CNOT11: variants seen among roughly 807,000 people sequenced by gnomAD.
CNOT11 encodes the protein CCR4-NOT transcription complex subunit 11, also known as UPF0760 protein C2orf29.
A neutral mutation model predicts 44.6 loss-of-function variants in CNOT11; 18 were observed. The ratio of observed to expected loss-of-function variants is 0.40; its 90% CI spans 0.28 to 0.60. The LOEUF (loss-of-function observed/expected upper bound fraction) is 0.60, where lower values mean the gene tolerates loss of function less well. Among genes scored for constraint, CNOT11 ranks in the 20% least tolerant of loss-of-function variants. The pLI is 0.38. For missense variants in CNOT11, 513 were observed against 677.0 expected (o/e 0.76, Z 2.69); for synonymous variants, 291 against 270.9 (o/e 1.07, Z -0.73).
intron 2 of CNOT11, 123 bp from the exon 3 acceptor site, chr2:101,262,416 T>TTC (rs778215946): frequency 1.8e-5 from 15 of 830,598 alleles, no homozygotes; most frequent in Middle Eastern, 2.3e-4. Flanking sequence ...TACACACATT[T>TTC]TCTCTCTCTC....
intron 3 of CNOT11, among the ~76,000 whole-genome samples, chr2:101,263,919 T>C (rs1681921564): frequency 6.6e-6 from 1 of 152,246 alleles, no homozygotes; most frequent in African/African-American, 2.4e-5. Context: ...TAAGTAGTAT[T>C]TCTCATAAAT....
In CNOT11 at chr2:101,253,598, T is replaced by C. The variant is rs769289905; in HGVS notation, c.514+120T>C. ...TATCCCTGTGAAATGATCATCCTCTTTTTCCGCCTCTCTCTGCGTTCCCAC... is the reference window on the plus strand; with the variant it reads ...TATCCCTGTGAAATGATCATCCTCTCTTTCCGCCTCTCTCTGCGTTCCCAC... On this transcript the variant is annotated intron_variant, in intron 1 of 6. Transcript: ENST00000289382. This position sits in a 1 kb window ranked among gnomAD's most constrained non-coding sequence, Gnocchi z 4.3. 338 of 976,390 alleles carry C rather than the reference T, an allele frequency of 3.5e-4. 3 individuals carry two copies. The Middle Eastern group carries it at 9.8e-3, about 28-fold the overall frequency. The allele number at this position is 976,390 out of a possible 1,614,324, so 60.5% of individuals were successfully genotyped here.
chr2:101,265,103 A>T (rs926864432), intron 4 of CNOT11, 56 bp downstream of exon 4: 17 of 1,307,604 alleles, frequency 1.3e-5, no homozygotes, highest in Admixed American at 2.7e-5. Flanking sequence ...ATTTTTAATT[A>T]AAAAAATTTG....
intron 2 of CNOT11, among the ~76,000 whole-genome samples, chr2:101,259,465 T>A (rs1417648727): frequency 6.6e-6 from 1 of 152,166 alleles, no homozygotes; most frequent in Non-Finnish European, 1.5e-5. Flanking sequence ...AGAGAGAGGC[T>A]CTCTGAGTTC....
At chr2:101,262,504 G>C in intron 2 of CNOT11, 35 bp from the exon 3 acceptor site, 1 of 1,605,410 alleles carries the variant, frequency 6.2e-7, no homozygotes, top group Non-Finnish European at 8.5e-7. Context: ...CTCTCCTCAT[G>C]ATGTCCATAA....
intron 1 of CNOT11, among the ~76,000 whole-genome samples, chr2:101,254,400 G>A (rs935067): frequency 0.79 from 120,687 of 152,052 alleles, 49,069 homozygotes; most frequent in East Asian, 0.92. Flanking sequence ...GGAGGGCCGC[G>A]TTTCTAGTTA....
chr2:101,266,653 TC>T, intron 4 of CNOT11, 23 bp from the exon 5 acceptor site: 4 of 1,580,870 alleles, frequency 2.5e-6, no homozygotes, highest in Non-Finnish European at 3.5e-6. Context: ...CCTCTCTCTC[TC>T]TTTAAAAATC....
At chr2:101,261,082 A>G (rs1188620815) in intron 2 of CNOT11, among the ~76,000 whole-genome samples, 2 of 152,184 alleles carry the variant, frequency 1.3e-5, no homozygotes, top group African/African-American at 4.8e-5. Flanking sequence ...AAATTACACA[A>G]TCTGAAGTGA....
rs528252881 is a variant in CNOT11 at position 101,260,694 on chromosome 2, A to G, written c.680-1845A>G. Among the ~76,000 whole-genome samples the G allele has an allele frequency of 3.3e-5, 5 of 152,340 alleles. No individual in the cohort carries two copies. The South Asian group carries it at 6.2e-4, about 19-fold the overall frequency. ...AAAAAAACAAGTAGACAAGTTAAAC[A>G]TAAGTGACTACAAGGGGTGAAGTTT... On this transcript the variant is annotated intron_variant, in intron 2 of 6. Transcript: ENST00000289382.
At position 101,256,136 on chromosome 2, in the gene CNOT11, CA is replaced by C. The variant is rs34000200; in HGVS notation, c.515-1641del. 9.9e-3 allele frequency among the ~76,000 whole-genome samples: 1,374 copies of C among 138,482 alleles called. 10 individuals are homozygous for C. Among genetic ancestry groups the C allele is most frequent in the African/African-American group, 0.026 (962 of 37,532 alleles). The allele number at this position is 138,482 out of a possible 152,430, so 90.8% of individuals were successfully genotyped here. A position where few individuals can be genotyped will look rare whatever the true frequency, so the allele number is the denominator to read the frequency against. ...CCTGAGCAACAGAGTGAGACTGCCT[CA>C]AAAAAAAAAAAAATAGTGTAGAAGT... On this transcript the variant is annotated intron_variant, in intron 1 of 6. Transcript: ENST00000289382.
chr2:101,253,471 G>T lies in CNOT11; in HGVS notation c.507G>T (p.Pro169=), dbSNP rs1221044207. The change falls in exon 1 of 7, where the codon CCG becomes CCT. Residue 169 remains proline (P), a synonymous_variant. Transcript: ENST00000289382. The surrounding 1 kb of genome is among the most constrained non-coding windows in gnomAD (Gnocchi z 4.3). ...GCGGCCAGGAACCCGACCGCCCTCC[G>T]CTCTCAGGTACCTCCTGAAGCCAGC... ...ARGGQEPDRP[P]LSGFLPPITP... 2.7e-6 allele frequency: 4 copies of T among 1,481,620 alleles called. No individual in the cohort carries two copies. The highest frequency in any genetic ancestry group is 1.8e-4 in the Middle Eastern group (1 of 5,714). The allele number at this position is 1,481,620 out of a possible 1,614,324, so 91.8% of individuals were successfully genotyped here. A position where few individuals can be genotyped will look rare whatever the true frequency, so the allele number is the denominator to read the frequency against.
In CNOT11 at chr2:101,269,519, A is replaced by G. The variant is rs1267872205; in HGVS notation, c.*106A>G. 2.1e-6 allele frequency: 2 copies of G among 933,458 alleles called. No individual in the cohort carries two copies. The highest frequency in any genetic ancestry group is 3.3e-5 in the African/African-American group (2 of 60,006). 57.8% of individuals were successfully genotyped at this position (933,458 alleles called of 1,614,324 possible). A position where few individuals can be genotyped will look rare whatever the true frequency, so the allele number is the denominator to read the frequency against. ...ATTGCTTGGTTTAATGCATATAAAC[A>G]GTACTTTATCTACTTAAAGCAAAGT... On this transcript the variant is annotated 3_prime_UTR_variant, in exon 7 of 7. Transcript: ENST00000289382. This position sits in a 1 kb window ranked among gnomAD's most constrained non-coding sequence, Gnocchi z 4.8.
At chr2:101,265,236 G>A (rs879392830) in intron 4 of CNOT11, among the ~76,000 whole-genome samples, 189 bp downstream of exon 4, 2 of 152,134 alleles carry the variant, frequency 1.3e-5, no homozygotes, top group Non-Finnish European at 2.9e-5. Context: ...CAGCAGCTGA[G>A]ACTACAGGCA....
chr2:101,252,938 G>A lies in CNOT11; in HGVS notation c.-27G>A. Reference sequence around the variant, plus strand: ...AGCCGGCGCCAGGGCCCCTCGGGCCGGGAAGAGGGGAAGGGGAGCGAGGTT... The same window carrying A: ...AGCCGGCGCCAGGGCCCCTCGGGCCAGGAAGAGGGGAAGGGGAGCGAGGTT... On this transcript the variant is annotated 5_prime_UTR_variant, in exon 1 of 7. Transcript: ENST00000289382. The A allele has an allele frequency of 2.1e-6, 3 of 1,417,964 alleles. No homozygotes were observed. Among genetic ancestry groups the A allele is most frequent in the Non-Finnish European group, 1.8e-6 (2 of 1,096,674 alleles). 87.8% of individuals were successfully genotyped at this position (1,417,964 alleles called of 1,614,324 possible). A position where few individuals can be genotyped will look rare whatever the true frequency, so the allele number is the denominator to read the frequency against.
chr2:101,268,832 G>A (rs950735367), intron 5 of CNOT11, among the ~76,000 whole-genome samples: 1 of 152,188 alleles, frequency 6.6e-6, no homozygotes, highest in Non-Finnish European at 1.5e-5. Flanking sequence ...ATATGTAAAT[G>A]TAAGTAGAGA....
In CNOT11 at chr2:101,253,144, G is replaced by A; in HGVS notation, c.180G>A (p.Arg60=). The A allele has an allele frequency of 6.4e-7, 1 of 1,573,782 alleles. No individual in the cohort carries two copies. Among genetic ancestry groups the A allele is most frequent in the Non-Finnish European group, 8.6e-7 (1 of 1,164,476 alleles). The part of the protein sequence containing the change: ...GSGGPGGPAG[R]MSLTPKELSS... ...GAGGCCCGGGGGGCCCCGCGGGCAG[G>A]ATGAGCTTGACCCCGAAGGAGCTCT... Residue 60 remains arginine (R), a synonymous_variant, in exon 1 of 7, where the codon AGG becomes AGA. Coordinates refer to ENST00000289382, the MANE Select transcript of CNOT11 (RefSeq NM_017546.5). The surrounding 1 kb of genome is among the most constrained non-coding windows in gnomAD (Gnocchi z 4.3).
In CNOT11 at chr2:101,270,020, A is replaced by G. The variant is rs1682074417; in HGVS notation, c.*607A>G. Reference sequence around the variant, plus strand: ...TAAATGCATTTCTTGGGCCTCTTATAAACTTGGGAATTCTTAGAAAGCTGC... The same window carrying G: ...TAAATGCATTTCTTGGGCCTCTTATGAACTTGGGAATTCTTAGAAAGCTGC... On this transcript the variant is annotated 3_prime_UTR_variant, in exon 7 of 7. Transcript: ENST00000289382. 6.6e-6 allele frequency: 1 copy of G among 152,586 alleles called. No individual in the cohort carries two copies. The highest frequency in any genetic ancestry group is 2.1e-4 in the South Asian group (1 of 4,832). 9.5% of individuals were successfully genotyped at this position (152,586 alleles called of 1,614,324 possible).
rs907280621 is a variant in CNOT11 at position 101,252,937 on chromosome 2, C to T, written c.-28C>T. 1 of 1,415,362 alleles carries T rather than the reference C, an allele frequency of 7.1e-7. No homozygotes were observed. The highest frequency in any genetic ancestry group is 9.1e-7 in the Non-Finnish European group (1 of 1,095,334). The allele number at this position is 1,415,362 out of a possible 1,614,324, so 87.7% of individuals were successfully genotyped here. A position where few individuals can be genotyped will look rare whatever the true frequency, so the allele number is the denominator to read the frequency against. On this transcript the variant is annotated 5_prime_UTR_variant, in exon 1 of 7. Coordinates refer to ENST00000289382, the MANE Select transcript of CNOT11 (RefSeq NM_017546.5). ...GAGCCGGCGCCAGGGCCCCTCGGGC[C>T]GGGAAGAGGGGAAGGGGAGCGAGGT...
At position 101,252,954 on chromosome 2, in the gene CNOT11, G is replaced by C. The variant is rs1681652285; in HGVS notation, c.-11G>C. 1 of 1,459,634 alleles carries C rather than the reference G, an allele frequency of 6.9e-7. No individual in the cohort carries two copies. The highest frequency in any genetic ancestry group is 2.6e-5 in the Admixed American group (1 of 38,916). 90.4% of individuals were successfully genotyped at this position (1,459,634 alleles called of 1,614,324 possible). A position where few individuals can be genotyped will look rare whatever the true frequency, so the allele number is the denominator to read the frequency against. On this transcript the variant is annotated 5_prime_UTR_variant, in exon 1 of 7. Coordinates refer to ENST00000289382, the MANE Select transcript of CNOT11 (RefSeq NM_017546.5). ...CCTCGGGCCGGGAAGAGGGGAAGGG[G>C]AGCGAGGTTGATGCCCGGCGGAGGG...
Sources: gnomAD v4.1 joint callset for allele counts (sites outside exome capture counted in the v4.1 genomes callset) on GRCh38, gnomAD v4.1.1 for gene constraint, Gnocchi (gnomAD v3.1) non-coding constraint, MANE v1.5 for transcripts, NCBI Gene and HGNC (gene_info 2026-07-23, HGNC 2026-07-21) for gene names.